The following SMAD9 variants were observed in gnomAD, a reference collection of about 807,000 sequenced individuals.
SMAD9 encodes the protein SMAD family member 9, also known as MAD homolog 9.
A neutral mutation model predicts 46.1 loss-of-function variants in SMAD9; 36 were observed. The observed-to-expected ratio is 0.78, with a 90% confidence interval of 0.60 to 1.03. The LOEUF (loss-of-function observed/expected upper bound fraction) is 1.03. Among genes scored for constraint, SMAD9 ranks in the 50% least tolerant of loss-of-function variants. The pLI is 0.00. For synonymous variants in SMAD9, 245 were observed against 237.1 expected (o/e 1.03, Z -0.31); for missense variants, 572 against 599.8 (o/e 0.95, Z 0.48).
At chr13:36,852,466 G>A (rs926795418) in intron 6 of SMAD9, 2 of 985,278 alleles carry the variant, frequency 2.0e-6, no homozygotes, top group South Asian at 4.7e-5. Flanking sequence ...AAACCCAGTT[G>A]TCTTTCCTTC....
chr13:36,853,627 C>T lies in SMAD9; in HGVS notation c.1052G>A (p.Ser351Asn), dbSNP rs1246256392. 1 of 1,614,136 alleles carries T rather than the reference C, an allele frequency of 6.2e-7. No homozygotes were observed. Among genetic ancestry groups the T allele is most frequent in the African/African-American group, 1.3e-5 (1 of 75,028 alleles). Residue 351 changes from serine (S) to asparagine (N), a missense_variant, in exon 6 of 7, where the codon AGT becomes AAT. Ser to Asn is a conservative substitution (Grantham distance 46). Transcript: ENST00000379826. ...VGGEVYAECV[S>N]DSSIFVQSRN... is the part of the protein sequence containing the mutation. ...GCTCTGCACAAAGATGCTGCTGTCA[C>T]TCACGCACTCGGCATACACCTCTCC...
chr13:36,897,137 A>G (rs1418393368), intron 1 of SMAD9, among the ~76,000 whole-genome samples: 1 of 152,196 alleles, frequency 6.6e-6, no homozygotes, highest in East Asian at 1.9e-4. Context: ...TTCTAATTAC[A>G]TAAGTTCTAT....
In SMAD9 at chr13:36,854,618, C is replaced by T. The variant is rs113948637; in HGVS notation, c.1004-943G>A. Among the ~76,000 whole-genome samples, 745 of 152,232 alleles carry T rather than the reference C, an allele frequency of 4.9e-3. 9 individuals are homozygous for T. Among genetic ancestry groups the T allele is most frequent in the African/African-American group, 0.017 (700 of 41,524 alleles). On this transcript the variant is annotated intron_variant, in intron 5 of 6. Transcript: ENST00000379826. The stretch of plus-strand genomic sequence containing the variant: ...AACTCCCAACCTCAAGTAATCCACC[C>T]GCCTCGGCCTCCCAAAGTGCTGGGA...
At chr13:36,913,473 C>T (rs553678030) in intron 1 of SMAD9, among the ~76,000 whole-genome samples, 1 of 152,092 alleles carries the variant, frequency 6.6e-6, no homozygotes, top group Non-Finnish European at 1.5e-5. Context: ...GATTGCTACA[C>T]CCACAAAATT....
chr13:36,877,994 A>G (rs890959551), intron 2 of SMAD9, among the ~76,000 whole-genome samples: 1 of 152,248 alleles, frequency 6.6e-6, no homozygotes, highest in African/African-American at 2.4e-5. Context: ...CAGATGGCCA[A>G]AGAGAGAAAG....
In SMAD9 at chr13:36,853,588, T is replaced by C. The variant is rs146564429; in HGVS notation, c.1091A>G (p.Tyr364Cys). ...SIFVQSRNCNYQHGFHPATVC... is the reference protein window; with the variant it reads ...SIFVQSRNCNCQHGFHPATVC... ...GGTAGCTGGGTGGAAGCCGTGTTGA[T>C]AGTTGCAGTTCCGGCTCTGCACAAA... Residue 364 changes from tyrosine to cysteine, a missense_variant, in exon 6 of 7, where the codon TAT becomes TGT. Physicochemically the swap from Tyr to Cys is radical, Grantham distance 194. Transcript: ENST00000379826. 11 of 1,614,012 alleles carry C rather than the reference T, an allele frequency of 6.8e-6. No individual in the cohort carries two copies. In the African/African-American group the frequency reaches 8.0e-5, roughly 12 times the overall value.
Position 36,873,773 on chromosome 13 carries a change from G to A in SMAD9, c.413-858C>T, listed in dbSNP as rs528989457. On this transcript the variant is annotated intron_variant, in intron 2 of 6. Transcript: ENST00000379826. The stretch of plus-strand genomic sequence containing the variant: ...AGCTATTCAGGAGGCTGAGGCAGGA[G>A]AATCGCTTGAATCTGGGAGGTGGAA... 5.2e-3 allele frequency among the ~76,000 whole-genome samples: 796 copies of A among 152,260 alleles called. 6 individuals carry two copies. The highest frequency in any genetic ancestry group is 0.018 in the African/African-American group (763 of 41,552).
At chr13:36,887,197 AAAT>A (rs2058453547) in intron 1 of SMAD9, among the ~76,000 whole-genome samples, 2 of 146,172 alleles carry the variant, frequency 1.4e-5, no homozygotes, top group Admixed American at 1.4e-4. Context: ...CAAAGAAGTT[AAAT>A]GATCTGACTA....
At chr13:36,887,201 GA>G (rs2058453647) in intron 1 of SMAD9, among the ~76,000 whole-genome samples, 2 of 138,714 alleles carry the variant, frequency 1.4e-5, no homozygotes, top group Admixed American at 1.4e-4. Flanking sequence ...GAAGTTAAAT[GA>G]TCTGACTAGA....
chr13:36,884,086 G>A (rs899542723), intron 1 of SMAD9, among the ~76,000 whole-genome samples: 1 of 152,116 alleles, frequency 6.6e-6, no homozygotes, highest in Admixed American at 6.5e-5. Context: ...GTCTGAGCGC[G>A]ACCTTCACTC....
chr13:36,874,640 G>T (rs1309400654), intron 2 of SMAD9, among the ~76,000 whole-genome samples: 1 of 151,934 alleles, frequency 6.6e-6, no homozygotes, highest in Admixed American at 6.6e-5. Flanking sequence ...GGTGGATCAC[G>T]AGGTCAGGAG....
intron 1 of SMAD9, among the ~76,000 whole-genome samples, chr13:36,882,533 C>CA (rs1421288078): frequency 6.6e-6 from 1 of 152,074 alleles, no homozygotes; most frequent in Admixed American, 6.5e-5. Context: ...ACAGTGGTCT[C>CA]ACGACAGTTC....
At chr13:36,869,095 C>T (rs1200933986) in intron 3 of SMAD9, among the ~76,000 whole-genome samples, 1 of 151,962 alleles carries the variant, frequency 6.6e-6, no homozygotes, top group Non-Finnish European at 1.5e-5. Context: ...ATAGAGCTTA[C>T]CAGGGGCTGG....
intron 6 of SMAD9, among the ~76,000 whole-genome samples, chr13:36,850,602 C>A: frequency 6.6e-6 from 1 of 152,134 alleles, no homozygotes; most frequent in East Asian, 1.9e-4. Flanking sequence ...TAGTCTTGAA[C>A]TCCTGACCTC....
intron 1 of SMAD9, among the ~76,000 whole-genome samples, chr13:36,913,583 A>G (rs1198900593): frequency 6.6e-6 from 1 of 152,236 alleles, no homozygotes; most frequent in Non-Finnish European, 1.5e-5. Flanking sequence ...GACAACAGAA[A>G]GCAAGTAAAA....
chr13:36,910,079 C>T (rs1201238306), intron 1 of SMAD9, among the ~76,000 whole-genome samples: 2 of 152,026 alleles, frequency 1.3e-5, no homozygotes, highest in Non-Finnish European at 2.9e-5. Flanking sequence ...CGCCTGTAGT[C>T]CCAGCTACTC....
rs1371440390 is a variant in SMAD9 at position 36,867,305 on chromosome 13, T to C, written c.749A>G (p.Asp250Gly). The C allele has an allele frequency of 4.4e-5, 68 of 1,550,836 alleles. No individual in the cohort carries two copies. Among genetic ancestry groups the C allele is most frequent in the Non-Finnish European group, 5.8e-5 (67 of 1,146,310 alleles). Residue 250 changes from aspartate to glycine, a missense_variant, in exon 4 of 7, where the codon GAT becomes GGT. Physicochemically the swap from Asp to Gly is moderately conservative, Grantham distance 94. Coordinates refer to ENST00000379826, the MANE Select transcript of SMAD9 (RefSeq NM_001127217.3). The stretch of plus-strand genomic sequence containing the variant: ...TGGTATCGATAGCACTACATGTCTA[T>C]CAGCTGTGGCATCTACAGGTTGGCC... The part of the protein sequence containing the change: ...QSGQPVDATA[D>G]RHVVLSIPNG...
chr13:36,919,000 G>A (rs1340935710), intron 1 of SMAD9, among the ~76,000 whole-genome samples: 5 of 152,146 alleles, frequency 3.3e-5, no homozygotes. Flanking sequence ...CACCGAAATG[G>A]TACTAGTAAA....
chr13:36,920,187 AGCGGCGGCG>A lies in SMAD9; in HGVS notation c.-267_-259del, dbSNP rs770040180. On this transcript the variant is annotated 5_prime_UTR_variant, in exon 1 of 7. Coordinates refer to ENST00000379826, the MANE Select transcript of SMAD9 (RefSeq NM_001127217.3). ...CGGGGACCGAGACAGCGGCTGCAGC[AGCGGCGGCG>A]GCGGCGGCGGCGGCGGCGGCCCCAG... 2.5e-3 allele frequency: 359 copies of A among 144,676 alleles called. 5 individuals carry two copies. In the East Asian group the frequency reaches 0.044, roughly 18 times the overall value. 9.0% of individuals were successfully genotyped at this position (144,676 alleles called of 1,614,324 possible). A position where few individuals can be genotyped will look rare whatever the true frequency, so the allele number is the denominator to read the frequency against.
Sources: gnomAD v4.1 joint callset for allele counts (sites outside exome capture counted in the v4.1 genomes callset) on GRCh38, gnomAD v4.1.1 for gene constraint, MANE v1.5 for transcripts, NCBI Gene and HGNC (gene_info 2026-07-23, HGNC 2026-07-21) for gene names.